The following NECAB2 variants were observed in gnomAD, a reference collection of about 807,000 sequenced individuals.
NECAB2 encodes N-terminal EF-hand calcium-binding protein 2.
NECAB2 carries 68 observed loss-of-function variants against 51.9 expected under a neutral mutation model. The ratio of observed to expected loss-of-function variants is 1.31; its 90% confidence interval spans 1.08 to 1.60. The LOEUF (loss-of-function observed/expected upper bound fraction) is 1.60. Ranked by LOEUF, NECAB2 falls within the 40% of genes most tolerant of loss-of-function variation. The probability of loss-of-function intolerance (pLI) is 0.00; values close to 1 mark genes in which losing one functional copy is unlikely to be tolerated. For missense variants in NECAB2, 854 were observed against 490.3 expected (o/e 1.74, Z -7.00); for synonymous variants, 329 against 203.5 (o/e 1.62, Z -5.25).
rs548695685 is a variant in NECAB2, at chr16:84,000,899, G to A, written c.1040+98G>A. 4.4e-4 allele frequency: 537 copies of A among 1,218,734 alleles called. 3 individuals are homozygous for A. In the African/African-American group the frequency reaches 5.8e-3, roughly 13 times the overall value. The allele number at this position is 1,218,734 out of a possible 1,614,324, so 75.5% of individuals were successfully genotyped here. A position where few individuals can be genotyped will look rare whatever the true frequency, so the allele number is the denominator to read the frequency against. ...CATCCTTGGAGGGGAGGGTAAGGCCGAGTCCAGTCAGCAGATTCCCGAGGC... is the reference window on the plus strand; with the variant it reads ...CATCCTTGGAGGGGAGGGTAAGGCCAAGTCCAGTCAGCAGATTCCCGAGGC... On this transcript the variant is annotated intron_variant, in intron 11 of 12. Transcript: ENST00000305202.
chr16:83,965,356 C>G, upstream of NECAB2: 1 of 1,571,858 alleles, frequency 6.4e-7, no homozygotes, highest in Non-Finnish European at 8.6e-7. Context: ...CCGGGGAGGC[C>G]CTGCCCTTCA....
intron 6 of NECAB2, among the ~76,000 whole-genome samples, chr16:83,992,352 A>G (rs2084636212): frequency 6.9e-6 from 1 of 145,680 alleles, no homozygotes; most frequent in Admixed American, 6.9e-5. Context: ...CAGCAGTCCC[A>G]TCTCCCGGGG....
chr16:83,968,704 A>AGCCGCCGCAGCAGGGCCGGGC lies in NECAB2; in HGVS notation c.59_79dup (p.Pro20_Ala26dup), dbSNP rs1396374318. The AGCCGCCGCAGCAGGGCCGGGC allele has an allele frequency of 1.0e-6, 1 of 1,001,560 alleles. No homozygotes were observed. The highest frequency in any genetic ancestry group is 1.1e-4 in the East Asian group (1 of 9,388). 62.0% of individuals were successfully genotyped at this position (1,001,560 alleles called of 1,614,324 possible). Reference sequence around the variant, plus strand: ...GCCGGCGCGCACAGGCTGCTCCGGGAGCCGCCGCAGCAGGGCCGGGCGCTG... The same window carrying AGCCGCCGCAGCAGGGCCGGGC: ...GCCGGCGCGCACAGGCTGCTCCGGGAGCCGCCGCAGCAGGGCCGGGCGCCGCCGCAGCAGGGCCGGGCGCTG... On this transcript the variant is annotated inframe_insertion, in exon 1 of 13. Coordinates refer to ENST00000305202, the MANE Select transcript of NECAB2 (RefSeq NM_019065.3).
chr16:83,967,415 G>A (rs2084293436), upstream of NECAB2, among the ~76,000 whole-genome samples: 1 of 129,906 alleles, frequency 7.7e-6, no homozygotes, highest in Admixed American at 7.9e-5. Flanking sequence ...GGATAGATGA[G>A]AGGATGGTTG....
At chr16:84,002,076 C>T (rs2084848092) in intron 12 of NECAB2, among the ~76,000 whole-genome samples, 160 bp downstream of exon 12, 1 of 152,146 alleles carries the variant, frequency 6.6e-6, no homozygotes, top group South Asian at 2.1e-4. Flanking sequence ...CTGAGGTGGC[C>T]CCACATACAG....
chr16:83,991,703 C>G (rs1044496797), intron 6 of NECAB2, among the ~76,000 whole-genome samples: 1 of 151,910 alleles, frequency 6.6e-6, no homozygotes, highest in Non-Finnish European at 1.5e-5. Flanking sequence ...GGCTGGAGTA[C>G]AGTGGCACCA....
chr16:83,986,771 C>T (rs2084562663), intron 5 of NECAB2, among the ~76,000 whole-genome samples: 1 of 151,822 alleles, frequency 6.6e-6, no homozygotes, highest in East Asian at 1.9e-4. Flanking sequence ...CATCTCCCCA[C>T]CTTGGCTTGT....
At chr16:83,972,076 A>G (rs980356429) in intron 1 of NECAB2, 75 bp from the exon 2 acceptor site, 75 of 1,586,500 alleles carry the variant, frequency 4.7e-5, no homozygotes, top group Non-Finnish European at 6.3e-5. Context: ...GAAGGATCCC[A>G]GTATCCGGTC....
chr16:83,965,770 C>G (rs1392426352), upstream of NECAB2: 2 of 1,613,244 alleles, frequency 1.2e-6, no homozygotes, highest in South Asian at 1.1e-5. Flanking sequence ...TCGGCTCCCA[C>G]CCCGACCTCT....
At chr16:83,976,745 G>A (rs1036925421) in intron 2 of NECAB2, among the ~76,000 whole-genome samples, 6 of 152,126 alleles carry the variant, frequency 3.9e-5, no homozygotes, top group South Asian at 4.1e-4. Flanking sequence ...GTGCCCACAC[G>A]TTCATATTCT....
At chr16:83,991,187 T>G (rs1042460876) in intron 6 of NECAB2, among the ~76,000 whole-genome samples, 56 of 152,130 alleles carry the variant, frequency 3.7e-4, no homozygotes, top group African/African-American at 1.3e-3. Context: ...TTTGTCATGT[T>G]GGCCAGGCTG....
chr16:83,966,182 G>C (rs2151080860), upstream of NECAB2: 1 of 604,676 alleles, frequency 1.7e-6, no homozygotes, highest in East Asian at 2.8e-5. Context: ...ACCAGTGTCT[G>C]AGGTGGTAAC....
chr16:83,976,725 C>G (rs1348529571), intron 2 of NECAB2, among the ~76,000 whole-genome samples: 1 of 152,168 alleles, frequency 6.6e-6, no homozygotes, highest in Non-Finnish European at 1.5e-5. Context: ...GATATTGGCC[C>G]TAGCCCCCCG....
chr16:84,000,809 G>C lies in NECAB2; in HGVS notation c.1040+8G>C. On this transcript the variant is annotated splice_region_variant and intron_variant, in intron 11 of 12. Transcript: ENST00000305202. ...AGAGGAGGCGTGGAAGAGGTGAGAT[G>C]CTGGGTCCCCACAGCAGGTGAGGGA... 3 of 1,613,304 alleles carry C rather than the reference G, an allele frequency of 1.9e-6. No individual in the cohort carries two copies. Among genetic ancestry groups the C allele is most frequent in the Non-Finnish European group, 2.5e-6 (3 of 1,179,778 alleles).
intron 5 of NECAB2, among the ~76,000 whole-genome samples, chr16:83,983,996 GT>G (rs552020138): frequency 0.053 from 6,672 of 125,244 alleles, 206 homozygotes; most frequent in African/African-American, 0.13. Context: ...ATATATGGTG[GT>G]TTTTTTTTTT....
chr16:84,000,118 C>T (rs924684073), intron 10 of NECAB2, among the ~76,000 whole-genome samples: 1 of 151,958 alleles, frequency 6.6e-6, no homozygotes, highest in Non-Finnish European at 1.5e-5. Flanking sequence ...TCTTGAACTC[C>T]TGACCTCACG....
intron 3 of NECAB2, among the ~76,000 whole-genome samples, chr16:83,979,053 C>G (rs1369318696): frequency 6.6e-6 from 1 of 152,184 alleles, no homozygotes; most frequent in Non-Finnish European, 1.5e-5. Context: ...ATAACCCTGA[C>G]CTGCATCTCA....
Position 84,000,928 on chromosome 16 carries a change from T to A in NECAB2, c.1040+127T>A. ...CCAGTCAGCAGATTCCCGAGGCATC[T>A]ACCCGCTGGCATGCTTGCGTCAGTA... On this transcript the variant is annotated intron_variant, in intron 11 of 12. Transcript: ENST00000305202. 2.3e-6 allele frequency: 2 copies of A among 888,202 alleles called. 1 individual carries two copies. Among genetic ancestry groups the A allele is most frequent in the South Asian group, 3.1e-5 (2 of 65,350 alleles). 55.0% of individuals were successfully genotyped at this position (888,202 alleles called of 1,614,324 possible).
At chr16:83,971,916 TGGTGGTACTGGCAGCCGCTTCCACGTG>T in intron 1 of NECAB2, 1 of 604,002 alleles carries the variant, frequency 1.7e-6, no homozygotes, top group East Asian at 2.8e-5. Flanking sequence ...GGGAGCAGGC[TGGTGGTACTGGCAGCCGCTTCCACGTG>T]GGTGAGGGGA....
Sources: gnomAD v4.1 joint callset for allele counts (sites outside exome capture counted in the v4.1 genomes callset) on GRCh38, gnomAD v4.1.1 for gene constraint, MANE v1.5 for transcripts, NCBI Gene and HGNC (gene_info 2026-07-23, HGNC 2026-07-21) for gene names.